The following ATRNL1 variants were observed in gnomAD, a reference collection of about 807,000 sequenced individuals.
The protein encoded by ATRNL1 is attractin like 1.
A neutral mutation model predicts 182.7 loss-of-function variants in ATRNL1; 95 were observed. That is an observed-to-expected ratio of 0.52 (90% confidence interval 0.44 to 0.62). ATRNL1 has a LOEUF of 0.62. Ranked by LOEUF, ATRNL1 falls within the 20% of genes least tolerant of loss-of-function variation. The probability of loss-of-function intolerance (pLI) is 0.00; values close to 1 mark genes in which losing one functional copy is unlikely to be tolerated. For missense variants in ATRNL1, 1,471 were observed against 1,679.5 expected, an observed-to-expected ratio of 0.88 and a Z score of 2.17; for synonymous variants, 576 against 568.3, an observed-to-expected ratio of 1.01 and a Z score of -0.19.
At chr10:115,911,269 G>A (rs1219160938) in intron 28 of ATRNL1, among the ~76,000 whole-genome samples, 1 of 151,988 alleles carries the variant, frequency 6.6e-6, no homozygotes, top group African/African-American at 2.4e-5. Context: ...CAAAGTGCTA[G>A]GATTACAGAC....
At chr10:115,903,700 T>C (rs1024525431) in intron 28 of ATRNL1, among the ~76,000 whole-genome samples, 4 of 152,170 alleles carry the variant, frequency 2.6e-5, no homozygotes, top group African/African-American at 9.7e-5. Flanking sequence ...CTCGTCAGAA[T>C]TTCCTAAAGA....
intron 20 of ATRNL1, among the ~76,000 whole-genome samples, chr10:115,410,801 G>A (rs10885705): frequency 0.24 from 35,697 of 151,660 alleles, 5,247 homozygotes; most frequent in Non-Finnish European, 0.34. Flanking sequence ...TCAGTGATGC[G>A]ATCTTGGCTC....
At chr10:115,853,762 C>T (rs1419263535) in intron 28 of ATRNL1, among the ~76,000 whole-genome samples, 1 of 151,816 alleles carries the variant, frequency 6.6e-6, no homozygotes, top group Admixed American at 6.6e-5. Flanking sequence ...TGTGTCTTCA[C>T]AAAGAAGAAA....
chr10:115,401,790 G>A (rs992606886), intron 20 of ATRNL1, among the ~76,000 whole-genome samples: 61 of 152,152 alleles, frequency 4.0e-4, no homozygotes, highest in Admixed American at 1.8e-3. Context: ...CATTATCAGA[G>A]TCCCCTGTTT....
rs149192681 is a variant in ATRNL1 at position 115,748,915 on chromosome 10, G to A, written c.3903+21560G>A. 2.5e-3 allele frequency among the ~76,000 whole-genome samples: 382 copies of A among 151,932 alleles called. 1 individual carries two copies. Among genetic ancestry groups the A allele is most frequent in the African/African-American group, 8.8e-3 (366 of 41,458 alleles). ...GAATGCTTATTTATTAAATGCAAAT[G>A]TATTTAGCTTAAATAATATATTTAT... On this transcript the variant is annotated intron_variant, in intron 27 of 28. Transcript: ENST00000355044.
At chr10:115,462,387 G>GC (rs1554969884) in intron 22 of ATRNL1, among the ~76,000 whole-genome samples, 3 of 152,108 alleles carry the variant, frequency 2.0e-5, no homozygotes, top group African/African-American at 7.2e-5. Context: ...GCCAAGGCGG[G>GC]CAGATCATGA....
chr10:115,172,951 C>T (rs1214921294), intron 8 of ATRNL1, among the ~76,000 whole-genome samples: 1 of 151,440 alleles, frequency 6.6e-6, no homozygotes, highest in East Asian at 1.9e-4. Context: ...AGCTTGGTCT[C>T]GCTCCCAGCT....
chr10:115,415,778 A>G (rs546940445), intron 20 of ATRNL1, among the ~76,000 whole-genome samples: 3 of 152,006 alleles, frequency 2.0e-5, no homozygotes, highest in South Asian at 4.1e-4. Context: ...TAGTTTTACA[A>G]TAGCTATCAA....
intron 27 of ATRNL1, among the ~76,000 whole-genome samples, chr10:115,744,673 T>C (rs1948238422): frequency 6.6e-6 from 1 of 152,102 alleles, no homozygotes; most frequent in Non-Finnish European, 1.5e-5. Context: ...TATATACCTC[T>C]AATCAGCCTC....
chr10:115,591,843 A>G (rs1555012359), intron 26 of ATRNL1, among the ~76,000 whole-genome samples: 1 of 152,202 alleles, frequency 6.6e-6, no homozygotes, highest in African/African-American at 2.4e-5. Context: ...AAGAAAATAA[A>G]TTGTTCTACC....
chr10:115,683,548 GTTTTTT>G (rs59383182), intron 26 of ATRNL1, among the ~76,000 whole-genome samples: 1 of 110,944 alleles, frequency 9.0e-6, no homozygotes, highest in Non-Finnish European at 1.7e-5. Context: ...GAGAACTAGC[GTTTTTT>G]TTTTTTTTTT....
At chr10:115,738,364 T>C (rs958331243) in intron 27 of ATRNL1, among the ~76,000 whole-genome samples, 6 of 151,792 alleles carry the variant, frequency 4.0e-5, no homozygotes, top group Admixed American at 2.6e-4. Flanking sequence ...GGTCTTGAAC[T>C]CCCGACCTCA....
At chr10:115,703,048 G>A (rs1299632661) in intron 26 of ATRNL1, among the ~76,000 whole-genome samples, 2 of 152,004 alleles carry the variant, frequency 1.3e-5, no homozygotes, top group South Asian at 4.1e-4. Context: ...GATGGTACTG[G>A]TACAAAGACA....
chr10:115,291,464 T>C (rs1852900056), intron 15 of ATRNL1, among the ~76,000 whole-genome samples: 1 of 152,208 alleles, frequency 6.6e-6, no homozygotes, highest in Non-Finnish European at 1.5e-5. Flanking sequence ...ATATGGCCTT[T>C]ATTATTTTCA....
At chr10:115,419,187 G>C (rs931300193) in intron 20 of ATRNL1, among the ~76,000 whole-genome samples, 1 of 151,984 alleles carries the variant, frequency 6.6e-6, no homozygotes, top group Middle Eastern at 3.2e-3. Flanking sequence ...TTTCCTTTGC[G>C]ATCAAAATTA....
chr10:115,772,593 C>CTGTG (rs71475107), intron 27 of ATRNL1, among the ~76,000 whole-genome samples: 2,254 of 125,584 alleles, frequency 0.018, 31 homozygotes, highest in Middle Eastern at 0.034. Flanking sequence ...AATATATACT[C>CTGTG]TGTCTGTGTG....
chr10:115,116,233 A>G (rs951887644), intron 1 of ATRNL1, among the ~76,000 whole-genome samples: 3 of 152,102 alleles, frequency 2.0e-5, no homozygotes, highest in African/African-American at 7.2e-5. Flanking sequence ...ATCTAGATGA[A>G]TAAGTCAGTA....
At chr10:115,488,193 G>A (rs1849119489) in intron 24 of ATRNL1, among the ~76,000 whole-genome samples, 1 of 152,052 alleles carries the variant, frequency 6.6e-6, no homozygotes, top group African/African-American at 2.4e-5. Flanking sequence ...TCCTTTTGCT[G>A]TGTCTCTACC....
At chr10:115,363,761 T>C (rs1466252402) in intron 19 of ATRNL1, among the ~76,000 whole-genome samples, 2 of 150,818 alleles carry the variant, frequency 1.3e-5, no homozygotes, top group African/African-American at 2.4e-5. Flanking sequence ...CCCAGAACCA[T>C]TTAGTAAATA....
Sources: gnomAD v4.1 joint callset for allele counts (sites outside exome capture counted in the v4.1 genomes callset) on GRCh38, gnomAD v4.1.1 for gene constraint, MANE v1.5 for transcripts, NCBI Gene and HGNC (gene_info 2026-07-23, HGNC 2026-07-21) for gene names.